Variants in ROBO2 observed in about 807,000 individuals in gnomAD.
ROBO2 encodes roundabout homolog 2.
ROBO2 carries 53 observed loss-of-function variants against 160.8 expected under a neutral mutation model. The ratio of observed to expected loss-of-function variants is 0.33; its 90% CI spans 0.26 to 0.41. The LOEUF (loss-of-function observed/expected upper bound fraction) is 0.41. Ranked by LOEUF, ROBO2 falls within the 10% of genes least tolerant of loss-of-function variation. The pLI, the probability that ROBO2 is intolerant of heterozygous loss-of-function variation, is 1.00. For synonymous variants in ROBO2, 664 were observed against 611.7 expected, an observed-to-expected ratio of 1.09 and a Z score of -1.26; for missense variants, 1,577 against 1,722.4, an observed-to-expected ratio of 0.92 and a Z score of 1.49.
chr3:76,681,134 A>G lies in ROBO2; in HGVS notation c.110-416880A>G, dbSNP rs561403034. ...TGTCTAAAACTCTGCCAGTGAGCAT[A>G]TGAATACCACAAAGACAATTAATCT... On this transcript the variant is annotated intron_variant, in intron 2 of 26. Coordinates refer to the ROBO2 transcript ENST00000487694. 7.2e-5 allele frequency among the ~76,000 whole-genome samples: 11 copies of G among 152,318 alleles called. No individual in the cohort carries two copies. In the South Asian group the frequency reaches 2.3e-3, roughly 32 times the overall value.
chr3:76,382,689 A>G (rs1251484688), intron 2 of ROBO2, among the ~76,000 whole-genome samples: 1 of 152,244 alleles, frequency 6.6e-6, no homozygotes, highest in African/African-American at 2.4e-5. Context: ...TGAAGTGAAT[A>G]CTTTAGGGAA....
intron 2 of ROBO2, among the ~76,000 whole-genome samples, chr3:76,059,387 T>A (rs1260303627): frequency 1.3e-5 from 2 of 152,192 alleles, no homozygotes; most frequent in Non-Finnish European, 2.9e-5. Context: ...GATTTGCATT[T>A]CTCTGATGAC....
At chr3:76,701,837 G>T (rs2093050330) in intron 2 of ROBO2, among the ~76,000 whole-genome samples, 1 of 130,104 alleles carries the variant, frequency 7.7e-6, no homozygotes, top group Non-Finnish European at 1.6e-5. Context: ...CTTGAGTAGT[G>T]TGTAGCAGTC....
At chr3:76,203,371 A>G (rs1226282217) in intron 2 of ROBO2, among the ~76,000 whole-genome samples, 3 of 152,058 alleles carry the variant, frequency 2.0e-5, no homozygotes, top group Non-Finnish European at 4.4e-5. Flanking sequence ...AACAGATCAC[A>G]GGTCAGGGTT....
At chr3:76,169,315 A>G (rs1283046191) in intron 2 of ROBO2, among the ~76,000 whole-genome samples, 1 of 152,192 alleles carries the variant, frequency 6.6e-6, no homozygotes, top group Non-Finnish European at 1.5e-5. Context: ...ACAAGCTATG[A>G]AAATTGGCAG....
At chr3:76,352,619 CA>C (rs1369563092) in intron 2 of ROBO2, among the ~76,000 whole-genome samples, 3 of 151,700 alleles carry the variant, frequency 2.0e-5, no homozygotes, top group Non-Finnish European at 4.4e-5. Context: ...TGACTAAGGA[CA>C]AAAAAATGGT....
At chr3:75,910,338 T>C (rs1946520415) in intron 1 of ROBO2, among the ~76,000 whole-genome samples, 1 of 152,216 alleles carries the variant, frequency 6.6e-6, no homozygotes. Context: ...AAGTGAATTT[T>C]TTCATTCACA....
chr3:77,527,346 C>T, intron 6 of ROBO2, 57 bp from the exon 7 acceptor site: 1 of 1,253,456 alleles, frequency 8.0e-7, no homozygotes, highest in Non-Finnish European at 1.0e-6. Flanking sequence ...GATAATTTTT[C>T]TTTCTTTTTT....
chr3:76,512,948 C>A (rs570259928), intron 2 of ROBO2, among the ~76,000 whole-genome samples: 272 of 152,128 alleles, frequency 1.8e-3, no homozygotes, highest in Non-Finnish European at 3.2e-3. Flanking sequence ...AAACAAAACA[C>A]CGTCATCATG....
chr3:77,107,541 T>A (rs2072975290), intron 2 of ROBO2, among the ~76,000 whole-genome samples: 2 of 152,354 alleles, frequency 1.3e-5, no homozygotes, highest in East Asian at 1.9e-4. Context: ...AATCATGTGG[T>A]ATAGCATCTA....
At chr3:76,173,273 T>A (rs1184570310) in intron 2 of ROBO2, among the ~76,000 whole-genome samples, 4 of 151,580 alleles carry the variant, frequency 2.6e-5, no homozygotes, top group Admixed American at 6.6e-5. Flanking sequence ...TATACATACA[T>A]ACATACTTAT....
intron 6 of ROBO2, among the ~76,000 whole-genome samples, chr3:77,537,248 G>C (rs2092178131): frequency 6.6e-6 from 1 of 151,960 alleles, no homozygotes; most frequent in Admixed American, 6.6e-5. Flanking sequence ...GCCTTTTTAA[G>C]TAATCAGATT....
At chr3:76,948,898 ATATATATATATTTT>A (rs1278141129) in intron 2 of ROBO2, among the ~76,000 whole-genome samples, 32 of 31,378 alleles carry the variant, frequency 1.0e-3, no homozygotes, top group African/African-American at 3.1e-3. Context: ...ATATATATAT[ATATATATATATTTT>A]TTTTTTTTTT....
intron 2 of ROBO2, among the ~76,000 whole-genome samples, chr3:76,008,282 A>G (rs2066087659): frequency 1.3e-5 from 2 of 151,298 alleles, no homozygotes; most frequent in South Asian, 2.1e-4. Context: ...GCTGCTAAAT[A>G]TATTTCTGGC....
At chr3:76,728,927 T>G (rs561537053) in intron 2 of ROBO2, among the ~76,000 whole-genome samples, 59 of 152,298 alleles carry the variant, frequency 3.9e-4, no homozygotes, top group African/African-American at 1.3e-3. Context: ...TTTTATTCAT[T>G]TATTCTTTTC....
chr3:77,219,811 T>A (rs1389997139), intron 2 of ROBO2, among the ~76,000 whole-genome samples: 1 of 151,456 alleles, frequency 6.6e-6, no homozygotes, highest in East Asian at 2.0e-4. Flanking sequence ...AAAATCCACA[T>A]TGTGTAGAAA....
chr3:77,383,153 C>T (rs2073729971), intron 2 of ROBO2, among the ~76,000 whole-genome samples: 2 of 152,060 alleles, frequency 1.3e-5, no homozygotes, highest in Admixed American at 1.3e-4. Flanking sequence ...TTTATTACCA[C>T]CTTGTATATA....
chr3:77,409,752 A>C lies in ROBO2; in HGVS notation c.389-67662A>C, dbSNP rs1389819252. On this transcript the variant is annotated intron_variant, in intron 2 of 25. Coordinates refer to ENST00000461745, the Ensembl canonical transcript of ROBO2. Reference sequence around the variant, plus strand: ...AGCATTAAAAATGTTCTGGCAGCTCAGTTGATTTTGATGAAGCTATGAAGC... The same window carrying C: ...AGCATTAAAAATGTTCTGGCAGCTCCGTTGATTTTGATGAAGCTATGAAGC... 3.3e-5 allele frequency among the ~76,000 whole-genome samples: 5 copies of C among 152,280 alleles called. No homozygotes were observed. The East Asian group carries it at 9.7e-4, about 30-fold the overall frequency.
intron 2 of ROBO2, among the ~76,000 whole-genome samples, chr3:77,139,991 C>G (rs574264083): frequency 4.3e-4 from 65 of 152,264 alleles, no homozygotes; most frequent in African/African-American, 1.5e-3. Context: ...CTACTGCAAA[C>G]CAGAGGCAGG....
Sources: allele counts gnomAD v4.1 joint callset (sites outside exome capture counted in the v4.1 genomes callset), GRCh38; gene constraint gnomAD v4.1.1; transcripts MANE v1.5; gene names NCBI Gene and HGNC (gene_info 2026-07-23, HGNC 2026-07-21).